Variants in STK39 observed in about 807,000 individuals in gnomAD.
STK39 encodes the protein STE20/SPS1-related proline-alanine-rich protein kinase.
STK39 carries 20 observed loss-of-function variants against 77.8 expected under a neutral mutation model. The observed-to-expected ratio is 0.26, with a 90% CI of 0.18 to 0.37. The LOEUF is 0.37. Among genes scored for constraint, STK39 ranks in the 10% least tolerant of loss-of-function variants. The pLI, the probability that STK39 is intolerant of heterozygous loss-of-function variation, is 1.00. For synonymous variants in STK39, 246 were observed against 234.1 expected, an observed-to-expected ratio of 1.05 and a Z score of -0.47; for missense variants, 479 against 656.5, an observed-to-expected ratio of 0.73 and a Z score of 2.95.
intron 17 of STK39, among the ~76,000 whole-genome samples, chr2:167,960,777 C>A (rs902483777): frequency 1.1e-4 from 16 of 151,998 alleles, no homozygotes; most frequent in African/African-American, 3.6e-4. Flanking sequence ...GTGCCCCCAC[C>A]CCCCCACCAT....
chr2:168,118,019 C>T (rs913713298), intron 10 of STK39, among the ~76,000 whole-genome samples: 4 of 151,848 alleles, frequency 2.6e-5, no homozygotes, highest in African/African-American at 9.7e-5. Context: ...ATTTTCCTTT[C>T]GGAAGAAAGG....
At chr2:168,139,997 CAA>C (rs1215936204) in intron 7 of STK39, among the ~76,000 whole-genome samples, 13 of 152,144 alleles carry the variant, frequency 8.5e-5, no homozygotes, top group African/African-American at 2.2e-4. Context: ...GTTCTGCTAT[CAA>C]AAGAGTAATG....
chr2:168,162,379 T>C (rs900766895), intron 4 of STK39, among the ~76,000 whole-genome samples: 6 of 150,080 alleles, frequency 4.0e-5, no homozygotes, highest in Non-Finnish European at 8.9e-5. Flanking sequence ...TAGAAAGAAA[T>C]ATTTTCTATG....
intron 16 of STK39, among the ~76,000 whole-genome samples, chr2:167,991,772 G>C (rs1389133286): frequency 6.6e-6 from 1 of 152,146 alleles, no homozygotes; most frequent in African/African-American, 2.4e-5. Context: ...CCCTCCCTTA[G>C]AGGAAACGGG....
chr2:168,039,197 G>T (rs1685038084), intron 14 of STK39, among the ~76,000 whole-genome samples: 1 of 152,040 alleles, frequency 6.6e-6, no homozygotes, highest in African/African-American at 2.4e-5. Context: ...TTAATCAAAG[G>T]GAATGCAACA....
At chr2:168,237,458 C>G (rs574397220) in intron 1 of STK39, among the ~76,000 whole-genome samples, 1 of 152,292 alleles carries the variant, frequency 6.6e-6, no homozygotes, top group Admixed American at 6.5e-5. Flanking sequence ...CCTGATTGCC[C>G]TGGCCAGAAC....
Position 167,964,790 on chromosome 2 carries a change from T to C in STK39, c.1499-64A>G, listed in dbSNP as rs777380148. 2.2e-5 allele frequency: 30 copies of C among 1,384,398 alleles called. No individual in the cohort carries two copies. In the South Asian group the frequency reaches 2.4e-4, roughly 11 times the overall value. The allele number at this position is 1,384,398 out of a possible 1,614,324, so 85.8% of individuals were successfully genotyped here. ...TTTCCAATAACAGTGGATTTTCACA[T>C]CAATGACTCAGAAAATTTGACTAAT... On this transcript the variant is annotated intron_variant, in intron 16 of 17. Transcript: ENST00000355999.
intron 14 of STK39, among the ~76,000 whole-genome samples, chr2:168,054,656 A>G (rs1685477851): frequency 7.1e-6 from 1 of 141,322 alleles, no homozygotes; most frequent in Non-Finnish European, 1.5e-5. Context: ...ACTGAAAAAC[A>G]AATGTCGTCT....
At chr2:168,145,370 A>G (rs575625789) in intron 5 of STK39, among the ~76,000 whole-genome samples, 61 of 152,256 alleles carry the variant, frequency 4.0e-4, no homozygotes, top group Non-Finnish European at 6.3e-4. Context: ...AGACTTTAGG[A>G]GTGCTGGGCC....
intron 16 of STK39, among the ~76,000 whole-genome samples, chr2:167,971,707 C>T (rs1692349452): frequency 1.3e-5 from 2 of 152,204 alleles, no homozygotes; most frequent in Admixed American, 1.3e-4. Context: ...GCTAATCTTT[C>T]AGCTTAGTTA....
At chr2:167,977,745 G>T (rs543377807) in intron 16 of STK39, among the ~76,000 whole-genome samples, 1 of 152,196 alleles carries the variant, frequency 6.6e-6, no homozygotes, top group African/African-American at 2.4e-5. Context: ...CTGGGGAGAG[G>T]GTGTATGGCT....
At chr2:168,122,360 TG>T (rs1435488277) in intron 10 of STK39, among the ~76,000 whole-genome samples, 1 of 152,222 alleles carries the variant, frequency 6.6e-6, no homozygotes, top group Non-Finnish European at 1.5e-5. Flanking sequence ...GCAAAGGACA[TG>T]ATCTTGTTCT....
chr2:168,149,283 G>T (rs1393657765), intron 5 of STK39, among the ~76,000 whole-genome samples: 1 of 152,184 alleles, frequency 6.6e-6, no homozygotes, highest in African/African-American at 2.4e-5. Context: ...TCTCCTTCCT[G>T]TTTGAGAATG....
intron 10 of STK39, among the ~76,000 whole-genome samples, chr2:168,113,789 A>C (rs1201138465): frequency 6.6e-6 from 1 of 152,220 alleles, no homozygotes; most frequent in Non-Finnish European, 1.5e-5. Flanking sequence ...GGTATCTCAC[A>C]GTAAGTTTCA....
At chr2:168,170,429 T>G (rs1239389584) in intron 2 of STK39, among the ~76,000 whole-genome samples, 1 of 152,244 alleles carries the variant, frequency 6.6e-6, no homozygotes, top group African/African-American at 2.4e-5. Context: ...TAACATCCTA[T>G]TCTCTTAATT....
intron 5 of STK39, among the ~76,000 whole-genome samples, chr2:168,154,901 G>T (rs964483866): frequency 6.6e-6 from 1 of 152,124 alleles, no homozygotes; most frequent in Admixed American, 6.5e-5. Flanking sequence ...CTGGGAAAAA[G>T]AAAAATAAAC....
chr2:168,189,446 C>T (rs957042494), intron 1 of STK39, among the ~76,000 whole-genome samples: 5 of 151,200 alleles, frequency 3.3e-5, no homozygotes, highest in African/African-American at 7.3e-5. Context: ...ACAGTGAGTA[C>T]ACTTACTGAA....
chr2:168,004,410 A>T (rs1280451642), intron 16 of STK39, among the ~76,000 whole-genome samples: 1 of 152,186 alleles, frequency 6.6e-6, no homozygotes, highest in Non-Finnish European at 1.5e-5. Context: ...AGCTGAAGGC[A>T]TCTCCAAAGA....
intron 10 of STK39, among the ~76,000 whole-genome samples, chr2:168,086,836 T>C (rs1450851802): frequency 6.6e-6 from 1 of 152,194 alleles, no homozygotes; most frequent in African/African-American, 2.4e-5. Context: ...GGAACTATTC[T>C]GAGGAGGCAG....
Sources: allele counts gnomAD v4.1 joint callset (sites outside exome capture counted in the v4.1 genomes callset), GRCh38; gene constraint gnomAD v4.1.1; transcripts MANE v1.5; gene names NCBI Gene and HGNC (gene_info 2026-07-23, HGNC 2026-07-21).